TEK: variants seen among roughly 807,000 people sequenced by gnomAD.
The protein encoded by TEK is TEK receptor tyrosine kinase.
In TEK, 43 loss-of-function variants were observed where a neutral mutation model predicts 131.8. That is an observed-to-expected ratio of 0.33 (90% CI 0.26 to 0.42). The LOEUF is 0.42. Among genes scored for constraint, TEK ranks in the 10% least tolerant of loss-of-function variants. The probability of loss-of-function intolerance (pLI) is 1.00; values close to 1 mark genes in which losing one functional copy is unlikely to be tolerated. For missense variants in TEK, 1,162 were observed against 1,384.4 expected, an observed-to-expected ratio of 0.84 and a Z score of 2.55; for synonymous variants, 580 against 491.6, an observed-to-expected ratio of 1.18 and a Z score of -2.38.
intron 21 of TEK, among the ~76,000 whole-genome samples, chr9:27,224,611 AT>A (rs1177040429): frequency 6.6e-6 from 1 of 152,206 alleles, no homozygotes; most frequent in African/African-American, 2.4e-5. Flanking sequence ...GTATCTCAAA[AT>A]ATTAAGAGCT....
chr9:27,211,454 TGAGATAGA>T (rs758140200), intron 16 of TEK, among the ~76,000 whole-genome samples: 5,268 of 18,454 alleles, frequency 0.29, 470 homozygotes, highest in Non-Finnish European at 0.32. Context: ...TTTTTTTTTT[TGAGATAGA>T]TAGATAGATA....
chr9:27,180,969 C>A (rs113967415), intron 7 of TEK, among the ~76,000 whole-genome samples: 1,903 of 152,052 alleles, frequency 0.013, 13 homozygotes, highest in Middle Eastern at 0.024. Flanking sequence ...AGAGCTATGC[C>A]ATCATTGCCA....
chr9:27,214,685 A>G (rs555299345), intron 18 of TEK, among the ~76,000 whole-genome samples: 41 of 152,290 alleles, frequency 2.7e-4, no homozygotes, highest in African/African-American at 9.1e-4. Flanking sequence ...TTCACAGCAT[A>G]CATCCTTTTA....
chr9:27,125,622 G>C (rs1470485887), intron 1 of TEK, among the ~76,000 whole-genome samples: 1 of 152,060 alleles, frequency 6.6e-6, no homozygotes, highest in East Asian at 1.9e-4. Flanking sequence ...TGTGACCTTG[G>C]GTAAGTTGTT....
intron 9 of TEK, among the ~76,000 whole-genome samples, chr9:27,187,779 T>A (rs1187067192): frequency 1.3e-5 from 2 of 152,104 alleles, no homozygotes; most frequent in African/African-American, 4.8e-5. Flanking sequence ...TCCCTGTATC[T>A]TCACAGGGAG....
intron 1 of TEK, among the ~76,000 whole-genome samples, chr9:27,155,895 C>G (rs1033131875): frequency 6.6e-6 from 1 of 151,698 alleles, no homozygotes; most frequent in African/African-American, 2.4e-5. Context: ...CTCTGCCTCC[C>G]GGGCTCAAAT....
At chr9:27,184,815 A>G (rs187794422) in intron 8 of TEK, among the ~76,000 whole-genome samples, 1 of 152,156 alleles carries the variant, frequency 6.6e-6, no homozygotes, top group Non-Finnish European at 1.5e-5. Context: ...AGGTGGGAGG[A>G]TCACTTTAGG....
chr9:27,138,020 C>A (rs35999900), intron 1 of TEK, among the ~76,000 whole-genome samples: 77,926 of 151,262 alleles, frequency 0.52, 20,966 homozygotes, highest in African/African-American at 0.56. Flanking sequence ...GCAAACCTTC[C>A]CAGTGAGTGT....
intron 1 of TEK, 63 bp downstream of exon 1, chr9:27,109,705 G>T: frequency 6.4e-7 from 1 of 1,552,860 alleles, no homozygotes; most frequent in Non-Finnish European, 8.9e-7. Flanking sequence ...TGATTTCTGG[G>T]TGCTCTCCCC....
Position 27,219,983 on chromosome 9 carries a change from A to G in TEK, c.3104-66A>G, listed in dbSNP as rs1163702479. 58 of 1,539,944 alleles carry G rather than the reference A, an allele frequency of 3.8e-5. 2 individuals are homozygous for G. In the South Asian group the frequency reaches 6.4e-4, roughly 17 times the overall value. On this transcript the variant is annotated intron_variant, in intron 20 of 22. Transcript: ENST00000380036. ...TCCTCCTGGCCCCTTATATTTAGAA[A>G]CCCTGGACAGGAAGCATTGCTTTTC... is the stretch of plus-strand genomic sequence containing the variant.
At chr9:27,130,541 A>C (rs1822168160) in intron 1 of TEK, among the ~76,000 whole-genome samples, 1 of 152,160 alleles carries the variant, frequency 6.6e-6, no homozygotes, top group African/African-American at 2.4e-5. Flanking sequence ...TAAATATTTA[A>C]AGTGTCAATT....
At chr9:27,174,509 G>A (rs1047170632) in intron 6 of TEK, among the ~76,000 whole-genome samples, 2 of 152,192 alleles carry the variant, frequency 1.3e-5, no homozygotes, top group East Asian at 3.8e-4. Context: ...AAGTATTAAT[G>A]AGATATTTTA....
At chr9:27,162,989 C>A (rs770247659) in intron 2 of TEK, among the ~76,000 whole-genome samples, 2 of 152,222 alleles carry the variant, frequency 1.3e-5, no homozygotes, top group Non-Finnish European at 2.9e-5. Flanking sequence ...GCTGGGATTA[C>A]AGGCGTGAGC....
intron 21 of TEK, among the ~76,000 whole-genome samples, chr9:27,223,320 T>G (rs1025709232): frequency 2.0e-5 from 3 of 152,148 alleles, no homozygotes; most frequent in Admixed American, 2.0e-4. Context: ...CAACAGAATA[T>G]ACATTCTTCT....
At position 27,224,304 on chromosome 9, in the gene TEK, C is replaced by T. The variant is rs919937374; in HGVS notation, c.3201-3902C>T. ...TTACCCAAACCTGGCAGAGACACAA[C>T]AAAAAAGAAAACTTCAGGCCAATAT... On this transcript the variant is annotated intron_variant, in intron 21 of 22. Transcript: ENST00000380036. 2.0e-5 allele frequency among the ~76,000 whole-genome samples: 3 copies of T among 152,022 alleles called. No homozygotes were observed. The South Asian group carries it at 6.2e-4, about 31-fold the overall frequency.
At chr9:27,149,905 C>T (rs985124390) in intron 1 of TEK, among the ~76,000 whole-genome samples, 3 of 152,102 alleles carry the variant, frequency 2.0e-5, no homozygotes, top group Non-Finnish European at 4.4e-5. Flanking sequence ...TGCTGATAAA[C>T]ACAGTGCATT....
At chr9:27,142,176 G>A (rs1359369637) in intron 1 of TEK, among the ~76,000 whole-genome samples, 1 of 152,210 alleles carries the variant, frequency 6.6e-6, no homozygotes, top group Non-Finnish European at 1.5e-5. Flanking sequence ...GAGCTAGAAT[G>A]GACAGACAAT....
At chr9:27,150,020 T>G (rs1320254373) in intron 1 of TEK, among the ~76,000 whole-genome samples, 1 of 152,168 alleles carries the variant, frequency 6.6e-6, no homozygotes, top group Non-Finnish European at 1.5e-5. Flanking sequence ...TCTCTAGATA[T>G]TCTCAATTTC....
chr9:27,144,447 C>T (rs1262064799), intron 1 of TEK, among the ~76,000 whole-genome samples: 1 of 152,170 alleles, frequency 6.6e-6, no homozygotes, highest in Non-Finnish European at 1.5e-5. Context: ...TACATTTATA[C>T]CTAAAGTTTC....
Sources: gnomAD v4.1 joint callset for allele counts (sites outside exome capture counted in the v4.1 genomes callset) on GRCh38, gnomAD v4.1.1 for gene constraint, MANE v1.5 for transcripts, NCBI Gene and HGNC (gene_info 2026-07-23, HGNC 2026-07-21) for gene names.